MPP7: variants seen among roughly 807,000 people sequenced by gnomAD.
MPP7 encodes MAGUK p55 scaffold protein 7.
Under a neutral mutation model 76.5 loss-of-function variants are expected in MPP7, and 60 were observed. The ratio of observed to expected loss-of-function variants is 0.78; its 90% confidence interval spans 0.64 to 0.97. MPP7 has a LOEUF of 0.97. Ranked by LOEUF, MPP7 falls within the 50% of genes least tolerant of loss-of-function variation. MPP7 has a pLI of 0.00. For synonymous variants in MPP7, 237 were observed against 244.5 expected (o/e 0.97, Z 0.29); for missense variants, 641 against 694.0 (o/e 0.92, Z 0.86).
intron 2 of MPP7, among the ~76,000 whole-genome samples, chr10:28,237,935 G>T (rs1839131125): frequency 6.6e-6 from 1 of 152,174 alleles, no homozygotes; most frequent in South Asian, 2.1e-4. Context: ...TCCTGAATCA[G>T]ATCAGAAGGG....
At chr10:28,314,712 T>C (rs1310785645) in intron 2 of MPP7, among the ~76,000 whole-genome samples, 1 of 152,238 alleles carries the variant, frequency 6.6e-6, no homozygotes, top group Non-Finnish European at 1.5e-5. Flanking sequence ...ATTAATAATT[T>C]ATGTGCAGTG....
intron 2 of MPP7, among the ~76,000 whole-genome samples, chr10:28,231,313 C>T (rs915854711): frequency 3.3e-5 from 5 of 149,738 alleles, no homozygotes; most frequent in African/African-American, 9.8e-5. Flanking sequence ...CAAAACTTAG[C>T]GAGAAATAGT....
intron 11 of MPP7, among the ~76,000 whole-genome samples, chr10:28,093,443 CT>C (rs1294264349): frequency 0.04 from 5,574 of 138,518 alleles, 114 homozygotes; most frequent in East Asian, 0.11. Context: ...TTTTACTTTC[CT>C]TTTTTTTTTT....
At chr10:28,254,789 G>C (rs1328043932) in intron 1 of MPP7, 1 of 152,146 alleles carries the variant, frequency 6.6e-6, no homozygotes, top group Non-Finnish European at 1.5e-5. Context: ...GTGGAGTGCT[G>C]GCTGTAAATC....
chr10:28,095,958 A>G (rs1418381335), intron 11 of MPP7, among the ~76,000 whole-genome samples: 1 of 152,210 alleles, frequency 6.6e-6, no homozygotes, highest in Non-Finnish European at 1.5e-5. Flanking sequence ...TTACAATAGG[A>G]AAGTGACTTC....
chr10:28,168,904 T>G (rs1383747456), intron 3 of MPP7, among the ~76,000 whole-genome samples: 1 of 152,222 alleles, frequency 6.6e-6, no homozygotes, highest in Non-Finnish European at 1.5e-5. Flanking sequence ...TGGTTTATGA[T>G]GTGAGGTAGG....
intron 3 of MPP7, among the ~76,000 whole-genome samples, chr10:28,199,890 A>G (rs1837713628): frequency 6.6e-6 from 1 of 151,898 alleles, no homozygotes; most frequent in Non-Finnish European, 1.5e-5. Flanking sequence ...ACACACACAC[A>G]CACACACACA....
At chr10:28,119,738 A>T in intron 10 of MPP7, 23 bp from the exon 11 acceptor site, 1 of 1,602,352 alleles carries the variant, frequency 6.2e-7, no homozygotes, top group Non-Finnish European at 8.5e-7. Context: ...AGGTCAACAT[A>T]CCTATCAATT....
At chr10:28,131,371 T>G (rs1288108865) in intron 6 of MPP7, among the ~76,000 whole-genome samples, 189 bp downstream of exon 6, 4 of 152,242 alleles carry the variant, frequency 2.6e-5, no homozygotes, top group African/African-American at 9.6e-5. Flanking sequence ...GCTATTTAAA[T>G]GTAGCCAATA....
chr10:28,245,091 A>G (rs1021875479), intron 1 of MPP7, among the ~76,000 whole-genome samples: 1 of 152,168 alleles, frequency 6.6e-6, no homozygotes, highest in African/African-American at 2.4e-5. Context: ...TTACTGCTAA[A>G]AAGTCTTGGC....
intron 2 of MPP7, among the ~76,000 whole-genome samples, chr10:28,319,879 G>A (rs754956832): frequency 5.3e-5 from 8 of 152,130 alleles, no homozygotes; most frequent in Non-Finnish European, 7.3e-5. Context: ...AGGAGGCTGA[G>A]GCAGGAGGAT....
intron 1 of MPP7, among the ~76,000 whole-genome samples, chr10:28,264,892 C>T (rs1840094297): frequency 6.6e-6 from 1 of 152,088 alleles, no homozygotes. Context: ...GGAAGAGAGA[C>T]TTTCAGGAAG....
intron 1 of MPP7, among the ~76,000 whole-genome samples, chr10:28,254,303 T>A (rs1432674596): frequency 6.6e-6 from 1 of 152,090 alleles, no homozygotes. Context: ...TATAAATGGC[T>A]ATAAAAAGAA....
intron 3 of MPP7, among the ~76,000 whole-genome samples, chr10:28,172,397 C>T (rs1047115826): frequency 6.6e-6 from 1 of 152,234 alleles, no homozygotes; most frequent in Non-Finnish European, 1.5e-5. Context: ...AACAGCTCCA[C>T]GTGGCACACG....
chr10:28,071,281 G>A (rs1279612327), intron 12 of MPP7, among the ~76,000 whole-genome samples: 1 of 152,220 alleles, frequency 6.6e-6, no homozygotes, highest in African/African-American at 2.4e-5. Context: ...CAGGTGTAAA[G>A]AGAAGTAGGG....
intron 1 of MPP7, among the ~76,000 whole-genome samples, chr10:28,245,348 C>G (rs1320513076): frequency 6.6e-6 from 1 of 152,048 alleles, no homozygotes; most frequent in East Asian, 1.9e-4. Context: ...TTTGTTCAAT[C>G]AATGTCCCCC....
chr10:28,224,577 G>C (rs774876898), intron 2 of MPP7, among the ~76,000 whole-genome samples: 6 of 152,084 alleles, frequency 3.9e-5, no homozygotes, highest in Non-Finnish European at 5.9e-5. Flanking sequence ...TTAAAAACAT[G>C]ATAATTTGCT....
At chr10:28,146,798 A>T (rs1835724656) in intron 5 of MPP7, among the ~76,000 whole-genome samples, 1 of 152,180 alleles carries the variant, frequency 6.6e-6, no homozygotes, top group Admixed American at 6.5e-5. Flanking sequence ...ACAATATCTG[A>T]CACATAATTG....
chr10:28,052,740 A>C lies in MPP7; in HGVS notation c.*1325T>G, dbSNP rs1376741395. 6.6e-6 allele frequency: 1 copy of C among 152,160 alleles called. No individual in the cohort carries two copies. The highest frequency in any genetic ancestry group is 2.4e-5 in the African/African-American group (1 of 41,446). The allele number at this position is 152,160 out of a possible 1,614,324, so 9.4% of individuals were successfully genotyped here. ...ATTTTACTACATTCTATTTTTTTTCACATGACATTTAAACTCTCTTTACAA... is the reference window on the plus strand; with the variant it reads ...ATTTTACTACATTCTATTTTTTTTCCCATGACATTTAAACTCTCTTTACAA... On this transcript the variant is annotated 3_prime_UTR_variant, in exon 17 of 17. Transcript: ENST00000683449.
Sources: gnomAD v4.1 joint callset for allele counts (sites outside exome capture counted in the v4.1 genomes callset) on GRCh38, gnomAD v4.1.1 for gene constraint, MANE v1.5 for transcripts, NCBI Gene and HGNC (gene_info 2026-07-23, HGNC 2026-07-21) for gene names.